The following CFAP20DC variants were observed in gnomAD, a reference collection of about 807,000 sequenced individuals.
CFAP20DC encodes the protein CFAP20 domain containing.
Under a neutral mutation model 101.7 loss-of-function variants are expected in CFAP20DC, and 84 were observed. That is an observed-to-expected ratio of 0.83 (90% CI 0.69 to 0.99). CFAP20DC has a LOEUF of 0.99. CFAP20DC is among the 50% of genes least tolerant of loss of function. The pLI is 0.00. For synonymous variants in CFAP20DC, 359 were observed against 351.2 expected (o/e 1.02, Z -0.25); for missense variants, 1,007 against 970.3 (o/e 1.04, Z -0.50).
Position 58,806,595 on chromosome 3 carries a change from G to A in CFAP20DC, c.2176-139C>T, listed in dbSNP as rs76827418. On this transcript the variant is annotated intron_variant, in intron 14 of 16. Transcript: ENST00000482387. ...GTATGGGTGGGAGGGCAGCCAAGAC[G>A]GCCGAATAGGAACAGCTCCAGTGTA... is the stretch of plus-strand genomic sequence containing the variant. The A allele has an allele frequency of 1.1e-3, 761 of 681,386 alleles. 11 individuals carry two copies. The East Asian group carries it at 0.018, about 17-fold the overall frequency. 42.2% of individuals were successfully genotyped at this position (681,386 alleles called of 1,614,324 possible).
At chr3:59,004,944 C>T (rs561918138) in intron 4 of CFAP20DC, among the ~76,000 whole-genome samples, 5 of 152,220 alleles carry the variant, frequency 3.3e-5, no homozygotes, top group Non-Finnish European at 7.4e-5. Flanking sequence ...GTAACCAATC[C>T]CCTTTGGCTA....
rs533171949 is a variant in CFAP20DC, at chr3:58,889,769, G to A, written c.551-5060C>T. 4.1e-3 allele frequency among the ~76,000 whole-genome samples: 554 copies of A among 135,430 alleles called. 4 individuals carry two copies. Among genetic ancestry groups the A allele is most frequent in the African/African-American group, 0.015 (539 of 35,352 alleles). The allele number at this position is 135,430 out of a possible 152,430, so 88.8% of individuals were successfully genotyped here. On this transcript the variant is annotated intron_variant, in intron 6 of 16. Transcript: ENST00000482387. ...GGTGATGACTCTTAACGAGCATGCT[G>A]CCTTCAAGCATGTGTTTAACAAAGC...
At chr3:58,820,952 A>C (rs2075590059) in intron 14 of CFAP20DC, among the ~76,000 whole-genome samples, 2 of 150,666 alleles carry the variant, frequency 1.3e-5, no homozygotes. Flanking sequence ...AGAGATATAG[A>C]TCAATGGAAC....
At chr3:58,908,385 T>C (rs545921765) in intron 6 of CFAP20DC, among the ~76,000 whole-genome samples, 12 of 152,204 alleles carry the variant, frequency 7.9e-5, no homozygotes, top group Non-Finnish European at 1.5e-4. Context: ...TCTAATATGA[T>C]TTTTCATAAT....
Position 58,812,052 on chromosome 3 carries a change from A to G in CFAP20DC, c.2176-5596T>C, listed in dbSNP as rs545317315. 2.5e-3 allele frequency among the ~76,000 whole-genome samples: 383 copies of G among 152,228 alleles called. 1 individual carries two copies. The highest frequency in any genetic ancestry group is 8.8e-3 in the African/African-American group (366 of 41,558). On this transcript the variant is annotated intron_variant, in intron 14 of 16. Transcript: ENST00000482387. ...ATGGCAATCATTAAAAAGTCAGGAA[A>G]CAACAGGTGCTGGAGAGGATGTGGA... is the stretch of plus-strand genomic sequence containing the variant.
chr3:58,875,868 A>T (rs2080707932), intron 7 of CFAP20DC, among the ~76,000 whole-genome samples: 2 of 152,232 alleles, frequency 1.3e-5, no homozygotes, highest in Non-Finnish European at 2.9e-5. Flanking sequence ...ATAGTTATTA[A>T]CAAAATTAAA....
At chr3:58,826,796 T>C (rs572487068) in intron 14 of CFAP20DC, among the ~76,000 whole-genome samples, 6 of 152,276 alleles carry the variant, frequency 3.9e-5, no homozygotes, top group Admixed American at 3.9e-4. Context: ...CAACCAGGCC[T>C]GGGGATAGTG....
intron 15 of CFAP20DC, among the ~76,000 whole-genome samples, chr3:58,782,409 C>G (rs76644629): frequency 2.0e-5 from 3 of 151,852 alleles, no homozygotes; most frequent in Non-Finnish European, 4.4e-5. Context: ...TCCTGTTCAA[C>G]GTAATACTGG....
chr3:58,735,189 G>A (rs956243393), intron 3 of CFAP20DC, among the ~76,000 whole-genome samples: 4 of 152,108 alleles, frequency 2.6e-5, no homozygotes, highest in Admixed American at 6.5e-5. Context: ...TCATTTTCAC[G>A]TGGTCACTTA....
At chr3:58,828,922 T>C (rs2076217422) in intron 14 of CFAP20DC, among the ~76,000 whole-genome samples, 1 of 152,032 alleles carries the variant, frequency 6.6e-6, no homozygotes, top group Non-Finnish European at 1.5e-5. Context: ...GAGAGAGGAT[T>C]CTTAGGATTT....
chr3:58,944,640 A>G (rs2089100498), intron 4 of CFAP20DC, among the ~76,000 whole-genome samples: 1 of 152,232 alleles, frequency 6.6e-6, no homozygotes, highest in South Asian at 2.1e-4. Flanking sequence ...TAGAGTTTAC[A>G]GTATGGTGAG....
chr3:58,872,091 A>G (rs1467206487), intron 7 of CFAP20DC, among the ~76,000 whole-genome samples: 3 of 152,172 alleles, frequency 2.0e-5, no homozygotes, highest in African/African-American at 7.2e-5. Context: ...TCTGACTAAC[A>G]GGGCAGGTGA....
In CFAP20DC at chr3:58,861,726, T is replaced by C. The variant is rs550966825; in HGVS notation, c.1593+1832A>G. On this transcript the variant is annotated intron_variant, in intron 12 of 16. Coordinates refer to ENST00000482387, the MANE Select transcript of CFAP20DC (RefSeq NM_001394063.1). The surrounding 1 kb of genome is among the most constrained non-coding windows in gnomAD (Gnocchi z 4.0). ...CCCTCTCTCTGGCTGCCACTCTTAGTAGGCTCTGATTAAAGGGTGGTGAGT... is the reference window on the plus strand; with the variant it reads ...CCCTCTCTCTGGCTGCCACTCTTAGCAGGCTCTGATTAAAGGGTGGTGAGT... The C allele has an allele frequency of 6.1e-6, 6 of 985,418 alleles. No individual in the cohort carries two copies. In the Admixed American group the frequency reaches 1.8e-4, roughly 30 times the overall value. 61.0% of individuals were successfully genotyped at this position (985,418 alleles called of 1,614,324 possible).
intron 15 of CFAP20DC, among the ~76,000 whole-genome samples, chr3:58,755,935 T>TA (rs2068916594): frequency 6.6e-6 from 1 of 152,176 alleles, no homozygotes; most frequent in Non-Finnish European, 1.5e-5. Context: ...TTTAAATGGT[T>TA]AAAAAAATTA....
chr3:58,886,009 T>A (rs1275454351), intron 6 of CFAP20DC, among the ~76,000 whole-genome samples: 1 of 152,160 alleles, frequency 6.6e-6, no homozygotes, highest in Non-Finnish European at 1.5e-5. Context: ...TTTTTCCTAT[T>A]TACTTATATG....
At chr3:58,872,870 C>T (rs1312604539) in intron 7 of CFAP20DC, among the ~76,000 whole-genome samples, 1 of 151,508 alleles carries the variant, frequency 6.6e-6, no homozygotes, top group Non-Finnish European at 1.5e-5. Context: ...GTCTGGATAG[C>T]TATGCTGGAT....
chr3:59,023,666 T>A (rs1172013620), intron 4 of CFAP20DC, among the ~76,000 whole-genome samples: 1 of 152,102 alleles, frequency 6.6e-6, no homozygotes, highest in East Asian at 1.9e-4. Context: ...CAGCTTGGGC[T>A]GCAGGAAATC....
At chr3:59,045,422 T>G (rs1699773371) in intron 3 of CFAP20DC, among the ~76,000 whole-genome samples, 1 of 152,090 alleles carries the variant, frequency 6.6e-6, no homozygotes, top group Non-Finnish European at 1.5e-5. Context: ...TCACCTGAAA[T>G]TTATATTTAA....
rs922132479 is a variant in CFAP20DC, at chr3:58,971,018, C to A, written c.279-33256G>T. ...TTATACATCTGTAACACCACCCACT[C>A]TCCTAACCTCCCAAGCATACACTTT... On this transcript the variant is annotated intron_variant, in intron 4 of 16. Coordinates refer to ENST00000482387, the MANE Select transcript of CFAP20DC (RefSeq NM_001394063.1). The surrounding 1 kb of genome is among the most constrained non-coding windows in gnomAD (Gnocchi z 4.1). Among the ~76,000 whole-genome samples the A allele has an allele frequency of 6.6e-6, 1 of 152,192 alleles. No homozygotes were observed. Among genetic ancestry groups the A allele is most frequent in the African/African-American group, 2.4e-5 (1 of 41,458 alleles).
Sources: gnomAD v4.1 joint callset for allele counts (sites outside exome capture counted in the v4.1 genomes callset) on GRCh38, gnomAD v4.1.1 for gene constraint, Gnocchi (gnomAD v3.1) non-coding constraint, MANE v1.5 for transcripts, NCBI Gene and HGNC (gene_info 2026-07-23, HGNC 2026-07-21) for gene names.